The following AGBL1 variants were observed in gnomAD, a reference collection of about 807,000 sequenced individuals.
AGBL1 encodes the protein cytosolic carboxypeptidase 4.
In AGBL1, 130 loss-of-function variants were observed where a neutral mutation model predicts 118.9. The ratio of observed to expected loss-of-function variants is 1.09; its 90% CI spans 0.95 to 1.26. The LOEUF (loss-of-function observed/expected upper bound fraction) is 1.26, where lower values mean the gene tolerates loss of function less well. Ranked by LOEUF, AGBL1 falls within the 50% of genes most tolerant of loss-of-function variation. AGBL1 has a pLI of 0.00. For synonymous variants in AGBL1, 555 were observed against 478.9 expected, an observed-to-expected ratio of 1.16 and a Z score of -2.08; for missense variants, 1,584 against 1,298.1, an observed-to-expected ratio of 1.22 and a Z score of -3.38.
At chr15:86,743,527 T>C (rs2141240237) in intron 22 of AGBL1, among the ~76,000 whole-genome samples, 1 of 152,234 alleles carries the variant, frequency 6.6e-6, no homozygotes, top group Middle Eastern at 3.4e-3. Context: ...CCATAGTGCA[T>C]GTGGGATCTT....
chr15:86,551,829 C>T (rs2083667005), intron 20 of AGBL1, among the ~76,000 whole-genome samples: 1 of 152,014 alleles, frequency 6.6e-6, no homozygotes, highest in African/African-American at 2.4e-5. Flanking sequence ...GCTATCAAGC[C>T]ATGAAGAGAC....
At chr15:87,009,334 C>T (rs1185823544) in intron 24 of AGBL1, among the ~76,000 whole-genome samples, 1 of 152,180 alleles carries the variant, frequency 6.6e-6, no homozygotes, top group East Asian at 1.9e-4. Context: ...TGGCAGCTTT[C>T]ACATGGTGTT....
intron 23 of AGBL1, among the ~76,000 whole-genome samples, chr15:86,964,792 C>T (rs1012139513): frequency 2.0e-5 from 3 of 152,024 alleles, no homozygotes; most frequent in African/African-American, 4.8e-5. Context: ...ACCCCCCAAC[C>T]CCTGACAGGC....
intron 22 of AGBL1, among the ~76,000 whole-genome samples, chr15:86,754,089 T>C (rs1400771142): frequency 6.6e-6 from 1 of 152,114 alleles, no homozygotes. Flanking sequence ...TAAATTAGAA[T>C]GGTTAATTCA....
rs143498682 is a variant in AGBL1, at chr15:86,503,777, G to A, written c.2556-19033G>A. 5.3e-3 allele frequency among the ~76,000 whole-genome samples: 799 copies of A among 150,902 alleles called. 2 individuals carry two copies. The highest frequency in any genetic ancestry group is 0.019 in the African/African-American group (777 of 41,256). On this transcript the variant is annotated intron_variant, in intron 18 of 22. Transcript: ENST00000614907. Reference sequence around the variant, plus strand: ...TGCTATTGGTATCTAATTTATTTTGGTTTTGGTCAAATAATATATTTGTAT... The same window carrying A: ...TGCTATTGGTATCTAATTTATTTTGATTTTGGTCAAATAATATATTTGTAT...
At chr15:86,754,786 C>A (rs1250369935) in intron 22 of AGBL1, among the ~76,000 whole-genome samples, 1 of 151,972 alleles carries the variant, frequency 6.6e-6, no homozygotes. Context: ...TTTTGTGTTC[C>A]CTGTTCAGAG....
At chr15:86,436,811 T>A (rs2082005728) in intron 18 of AGBL1, among the ~76,000 whole-genome samples, 1 of 152,178 alleles carries the variant, frequency 6.6e-6, no homozygotes, top group Non-Finnish European at 1.5e-5. Context: ...GTATAAATAC[T>A]TTTTTTAGAG....
intron 3 of AGBL1, among the ~76,000 whole-genome samples, chr15:86,152,935 G>A (rs975825999): frequency 6.6e-5 from 10 of 152,208 alleles, no homozygotes; most frequent in Non-Finnish European, 1.2e-4. Flanking sequence ...GGTCATCAGA[G>A]AAATGCAAAT....
intron 18 of AGBL1, among the ~76,000 whole-genome samples, chr15:86,494,417 A>G (rs1303847845): frequency 6.6e-6 from 1 of 152,062 alleles, no homozygotes; most frequent in African/African-American, 2.4e-5. Flanking sequence ...ACACCTCAAC[A>G]TAAGAAAGTT....
chr15:86,263,710 G>T (rs955867432), intron 10 of AGBL1, among the ~76,000 whole-genome samples: 1 of 152,184 alleles, frequency 6.6e-6, no homozygotes, highest in East Asian at 1.9e-4. Flanking sequence ...TGCTGCCACT[G>T]TTGCTGCCAT....
intron 21 of AGBL1, among the ~76,000 whole-genome samples, chr15:86,564,612 G>A (rs577256817): frequency 2.4e-4 from 37 of 152,160 alleles, no homozygotes; most frequent in African/African-American, 8.4e-4. Context: ...ATGTGTCTTC[G>A]AGTTGCTCTT....
At chr15:86,413,273 A>G (rs1386986277) in intron 18 of AGBL1, among the ~76,000 whole-genome samples, 1 of 152,168 alleles carries the variant, frequency 6.6e-6, no homozygotes, top group Non-Finnish European at 1.5e-5. Flanking sequence ...AACTTTCCCC[A>G]CTGAATCTCC....
chr15:86,922,943 G>C (rs140263603), intron 23 of AGBL1, among the ~76,000 whole-genome samples: 8 of 152,186 alleles, frequency 5.3e-5, no homozygotes, highest in African/African-American at 1.9e-4. Flanking sequence ...AGAAGGGCAT[G>C]ATGACCAGGA....
chr15:86,680,259 C>CT (rs2085928532), intron 22 of AGBL1, among the ~76,000 whole-genome samples: 1 of 152,072 alleles, frequency 6.6e-6, no homozygotes, highest in Non-Finnish European at 1.5e-5. Context: ...TGTCCTCATT[C>CT]TTTTTTCTCA....
chr15:86,635,435 C>G (rs2142450322), intron 21 of AGBL1, among the ~76,000 whole-genome samples: 1 of 151,246 alleles, frequency 6.6e-6, no homozygotes, highest in Admixed American at 6.6e-5. Context: ...TACTGTTGCC[C>G]TGAACTGCGA....
chr15:86,293,076 T>C (rs1348267482), intron 16 of AGBL1, among the ~76,000 whole-genome samples: 1 of 152,246 alleles, frequency 6.6e-6, no homozygotes, highest in Non-Finnish European at 1.5e-5. Flanking sequence ...TTTTTCTTTT[T>C]CCTTGCAATT....
chr15:86,543,929 G>T (rs902197437), intron 19 of AGBL1, among the ~76,000 whole-genome samples: 5 of 152,196 alleles, frequency 3.3e-5, no homozygotes, highest in Admixed American at 1.3e-4. Flanking sequence ...TCATAGATAA[G>T]GAGAAGGCAT....
At chr15:87,015,038 T>C (rs1045137355) in intron 24 of AGBL1, among the ~76,000 whole-genome samples, 2 of 152,140 alleles carry the variant, frequency 1.3e-5, no homozygotes, top group Non-Finnish European at 2.9e-5. Context: ...GGGGCCCTGA[T>C]GGAACAAACA....
rs537761861 is a variant in AGBL1, at chr15:87,014,745, C to T, written c.3324-14080C>T. ...CTTTTATCACTTGTACTGCCAGGCTCAGTGGGGGAATACCTGAACAAGGAG... is the reference window on the plus strand; with the variant it reads ...CTTTTATCACTTGTACTGCCAGGCTTAGTGGGGGAATACCTGAACAAGGAG... On this transcript the variant is annotated intron_variant, in intron 24 of 24. Coordinates refer to the AGBL1 transcript ENST00000441037. Among the ~76,000 whole-genome samples, 20 of 152,280 alleles carry T rather than the reference C, an allele frequency of 1.3e-4. No homozygotes were observed. In the South Asian group the frequency reaches 3.9e-3, roughly 30 times the overall value.
Sources: gnomAD v4.1 joint callset for allele counts (sites outside exome capture counted in the v4.1 genomes callset) on GRCh38, gnomAD v4.1.1 for gene constraint, MANE v1.5 for transcripts, NCBI Gene and HGNC (gene_info 2026-07-23, HGNC 2026-07-21) for gene names.